The following SMG6 variants were observed in gnomAD, a reference collection of about 807,000 sequenced individuals.
SMG6 encodes SMG6 nonsense mediated mRNA decay factor, also known as telomerase-binding protein EST1A.
In SMG6, 66 loss-of-function variants were observed where a neutral mutation model predicts 142.2. The ratio of observed to expected loss-of-function variants is 0.46; its 90% CI spans 0.38 to 0.57. The LOEUF (loss-of-function observed/expected upper bound fraction) is 0.57. SMG6 is among the 20% of genes least tolerant of loss of function. The pLI is 0.00. For missense variants in SMG6, 1,793 were observed against 1,832.0 expected (o/e 0.98, Z 0.39); for synonymous variants, 779 against 702.4 (o/e 1.11, Z -1.72).
chr17:2,110,015 G>C (rs377631761), intron 13 of SMG6, among the ~76,000 whole-genome samples: 1 of 149,038 alleles, frequency 6.7e-6, no homozygotes, highest in East Asian at 2.0e-4. Flanking sequence ...CCCGGAGGCA[G>C]AGGTTGCAGT....
intron 13 of SMG6, among the ~76,000 whole-genome samples, chr17:2,130,747 T>TAAA (rs370855097): frequency 7.0e-6 from 1 of 143,062 alleles, no homozygotes; most frequent in Non-Finnish European, 1.5e-5. Context: ...TCAAGTGGTT[T>TAAA]AAAAAAAAAA....
At chr17:2,270,929 T>C (rs1026106700) in intron 8 of SMG6, among the ~76,000 whole-genome samples, 6 of 152,214 alleles carry the variant, frequency 3.9e-5, no homozygotes, top group African/African-American at 1.2e-4. Flanking sequence ...GCTCTATTCA[T>C]GTGGCTTGAG....
intron 13 of SMG6, among the ~76,000 whole-genome samples, chr17:2,120,045 C>T (rs1192766262): frequency 1.3e-5 from 2 of 152,068 alleles, no homozygotes; most frequent in Non-Finnish European, 2.9e-5. Context: ...TGGCCTCAAG[C>T]GATCCACCCA....
chr17:2,186,756 T>C lies in SMG6; in HGVS notation c.3062A>G (p.Glu1021Gly). 6.2e-7 allele frequency: 1 copy of C among 1,614,214 alleles called. No homozygotes were observed. Among genetic ancestry groups the C allele is most frequent in the Admixed American group, 1.7e-5 (1 of 60,020 alleles). ...KVSSFVPDLK[E>G]LLPSVKVWSD... ...CCAGACTTTGACACTGGGGAGCAGC[T>C]CCTTCAGGTCCGGGACAAAGGAAGA... The change falls in exon 12 of 19, where the codon GAG becomes GGG. Residue 1021 changes from glutamate to glycine, a missense_variant. This residue lies in a region of SMG6 where 1,597 missense variants were observed against 1,584.6 expected (regional missense o/e 1.01). Transcript: ENST00000263073.
Position 2,303,750 on chromosome 17 carries a change from C to G in SMG6, c.-30G>C, listed in dbSNP as rs1411615102. Reference sequence around the variant, plus strand: ...GCGGCTGCTGCTACAGCCGTAGCGGCTCCGCCACCGCCGCGCGCAGCCAGG... The same window carrying G: ...GCGGCTGCTGCTACAGCCGTAGCGGGTCCGCCACCGCCGCGCGCAGCCAGG... On this transcript the variant is annotated 5_prime_UTR_variant, in exon 1 of 19. Coordinates refer to ENST00000263073, the MANE Select transcript of SMG6 (RefSeq NM_017575.5). 4.7e-6 allele frequency: 7 copies of G among 1,479,050 alleles called. No homozygotes were observed. The highest frequency in any genetic ancestry group is 6.3e-6 in the Non-Finnish European group (7 of 1,119,624). 91.6% of individuals were successfully genotyped at this position (1,479,050 alleles called of 1,614,324 possible).
Position 2,165,427 on chromosome 17 carries a change from G to A in SMG6, c.3357+7231C>T, listed in dbSNP as rs567458875. Among the ~76,000 whole-genome samples, 4 of 152,334 alleles carry A rather than the reference G, an allele frequency of 2.6e-5. No individual in the cohort carries two copies. The South Asian group carries it at 8.3e-4, about 32-fold the overall frequency. ...CCCTTCCCACTCCCTTGAGGTTAAT[G>A]ACTTGCTAATATAGCTTATTCTTTA... is the stretch of plus-strand genomic sequence containing the variant. On this transcript the variant is annotated intron_variant, in intron 13 of 18. Coordinates refer to ENST00000263073, the MANE Select transcript of SMG6 (RefSeq NM_017575.5).
In SMG6 at chr17:2,071,471, C is replaced by T. The variant is rs919921982; in HGVS notation, c.3682-2540G>A. ...CGCTCTAAATTCCCCGGGTTCTTAG[C>T]TCTGGCTTGCAGCTAGAAAGGTGAA... is the stretch of plus-strand genomic sequence containing the variant. On this transcript the variant is annotated intron_variant, in intron 15 of 18. Coordinates refer to ENST00000263073, the MANE Select transcript of SMG6 (RefSeq NM_017575.5). The surrounding 1 kb of genome is among the most constrained non-coding windows in gnomAD (Gnocchi z 5.6). 1.3e-5 allele frequency among the ~76,000 whole-genome samples: 2 copies of T among 152,194 alleles called. No homozygotes were observed. Among genetic ancestry groups the T allele is most frequent in the Non-Finnish European group, 2.9e-5 (2 of 68,028 alleles).
chr17:2,275,098 G>C (rs2074619876), intron 8 of SMG6, among the ~76,000 whole-genome samples: 1 of 151,944 alleles, frequency 6.6e-6, no homozygotes, highest in East Asian at 1.9e-4. Context: ...CTGAGGAAGT[G>C]TTTTAAGGGT....
intron 10 of SMG6, among the ~76,000 whole-genome samples, chr17:2,211,720 C>T (rs945846737): frequency 6.7e-5 from 10 of 148,486 alleles, no homozygotes; most frequent in African/African-American, 1.0e-4. Flanking sequence ...CTGGAATAAA[C>T]AGAAAGTAGT....
At chr17:2,243,557 T>C (rs140634451) in intron 9 of SMG6, among the ~76,000 whole-genome samples, 2 of 152,164 alleles carry the variant, frequency 1.3e-5, no homozygotes, top group Admixed American at 6.5e-5. Flanking sequence ...GGCATGTGCC[T>C]GTAATCCCAG....
At position 2,297,842 on chromosome 17, in the gene SMG6, G is replaced by A. The variant is rs1283533353; in HGVS notation, c.2040+21C>T. On this transcript the variant is annotated intron_variant, in intron 3 of 18. Coordinates refer to ENST00000263073, the MANE Select transcript of SMG6 (RefSeq NM_017575.5). ...AGAATGCTGAAGCCTTTATCCTGAGGACAAAAAGATGACAGTTTACCTCAT... is the reference window on the plus strand; with the variant it reads ...AGAATGCTGAAGCCTTTATCCTGAGAACAAAAAGATGACAGTTTACCTCAT... The A allele has an allele frequency of 3.7e-6, 6 of 1,602,956 alleles. No individual in the cohort carries two copies. In the Admixed American group the frequency reaches 6.7e-5, roughly 18 times the overall value.
chr17:2,277,253 G>C (rs1368464875), intron 8 of SMG6, among the ~76,000 whole-genome samples: 1 of 146,500 alleles, frequency 6.8e-6, no homozygotes, highest in East Asian at 2.0e-4. Context: ...TGCAAGCTCC[G>C]CCTCCCGGGT....
At chr17:2,065,702 G>A (rs777566943) in intron 16 of SMG6, 23 bp from the exon 17 acceptor site, 2 of 1,588,556 alleles carry the variant, frequency 1.3e-6, no homozygotes, top group East Asian at 2.2e-5. Flanking sequence ...AGCCCCACAA[G>A]GTATCAGCCT....
chr17:2,065,014 G>T, intron 18 of SMG6, 59 bp downstream of exon 18: 1 of 1,334,954 alleles, frequency 7.5e-7, no homozygotes, highest in Non-Finnish European at 1.1e-6. Context: ...GGCTGAGGAT[G>T]GGTAGGATGA....
rs113418646 is a variant in SMG6, at chr17:2,160,510, C to T, written c.3357+12148G>A. On this transcript the variant is annotated intron_variant, in intron 13 of 18. Transcript: ENST00000263073. ...CTGGGATTACAGGCATGAGCCACCG[C>T]GCCTGGCCTTCAATTGTTTTGAATA... is the stretch of plus-strand genomic sequence containing the variant. Among the ~76,000 whole-genome samples the T allele has an allele frequency of 4.0e-3, 605 of 152,214 alleles. 2 individuals carry two copies. The highest frequency in any genetic ancestry group is 0.013 in the African/African-American group (533 of 41,554).
At chr17:2,257,027 G>A (rs1181348474) in intron 8 of SMG6, among the ~76,000 whole-genome samples, 1 of 151,312 alleles carries the variant, frequency 6.6e-6, no homozygotes, top group Non-Finnish European at 1.5e-5. Flanking sequence ...CCAGGCTGGA[G>A]TACAGTGGTG....
chr17:2,302,946 A>G, intron 1 of SMG6: 7 of 985,244 alleles, frequency 7.1e-6, no homozygotes, highest in Non-Finnish European at 7.2e-6. Context: ...GGCACCTATC[A>G]CAGCTACCAT....
At chr17:2,219,288 G>A (rs907991102) in intron 10 of SMG6, among the ~76,000 whole-genome samples, 1 of 152,142 alleles carries the variant, frequency 6.6e-6, no homozygotes, top group East Asian at 1.9e-4. Context: ...CGGAGGCTGA[G>A]GCAGGAGAAT....
At chr17:2,090,595 A>C (rs1264208553) in intron 13 of SMG6, among the ~76,000 whole-genome samples, 1 of 152,226 alleles carries the variant, frequency 6.6e-6, no homozygotes, top group African/African-American at 2.4e-5. Context: ...AACCATGGTT[A>C]CTAGTCATTT....
Sources: gnomAD v4.1 joint callset for allele counts (sites outside exome capture counted in the v4.1 genomes callset) on GRCh38, gnomAD v4.1.1 for gene constraint, gnomAD v4.1.1 regional missense constraint, Gnocchi (gnomAD v3.1) non-coding constraint, MANE v1.5 for transcripts, NCBI Gene and HGNC (gene_info 2026-07-23, HGNC 2026-07-21) for gene names.